Variants in ANKFN1 observed in about 807,000 individuals in gnomAD.
ANKFN1 encodes ankyrin repeat and fibronectin type III domain containing 1, also known as ankyrin repeat and fibronectin type-III domain-containing protein 1.
In ANKFN1, 74 loss-of-function variants were observed where a neutral mutation model predicts 108.7. The observed-to-expected ratio is 0.68, with a 90% CI of 0.56 to 0.83. The LOEUF (loss-of-function observed/expected upper bound fraction) is 0.83, where lower values mean the gene tolerates loss of function less well. Among genes scored for constraint, ANKFN1 ranks in the 40% least tolerant of loss-of-function variants. The pLI is 0.00. For missense variants in ANKFN1, 1,505 were observed against 1,382.3 expected (o/e 1.09, Z -1.41); for synonymous variants, 547 against 516.2 (o/e 1.06, Z -0.81).
chr17:56,430,538 A>AC, intron 8 of ANKFN1, among the ~76,000 whole-genome samples: 1 of 151,172 alleles, frequency 6.6e-6, no homozygotes, highest in African/African-American at 2.4e-5. Flanking sequence ...ACACACACAC[A>AC]AAGGTAACTA....
chr17:56,176,062 G>T (rs1027313297), intron 1 of ANKFN1, among the ~76,000 whole-genome samples: 1 of 151,766 alleles, frequency 6.6e-6, no homozygotes, highest in Admixed American at 6.6e-5. Context: ...ATGAAGGGGG[G>T]TACTGGGAGG....
At chr17:56,388,321 G>A (rs971215748) in intron 8 of ANKFN1, among the ~76,000 whole-genome samples, 7 of 151,676 alleles carry the variant, frequency 4.6e-5, no homozygotes, top group Admixed American at 1.3e-4. Context: ...CTAATGAGAC[G>A]GGGTTTCACC....
intron 3 of ANKFN1, among the ~76,000 whole-genome samples, chr17:56,235,435 A>G (rs886773096): frequency 3.3e-5 from 5 of 152,068 alleles, no homozygotes; most frequent in Non-Finnish European, 7.4e-5. Context: ...GTCCATTCCT[A>G]TGTCCACAAT....
intron 1 of ANKFN1, chr17:56,195,285 T>C (rs1255949825): frequency 6.6e-6 from 1 of 152,220 alleles, no homozygotes; most frequent in Admixed American, 6.5e-5. Flanking sequence ...TAACTTGTAA[T>C]CCAGAAATCA....
intron 1 of ANKFN1, among the ~76,000 whole-genome samples, chr17:56,164,644 C>A (rs1909981793): frequency 6.6e-6 from 1 of 152,126 alleles, no homozygotes; most frequent in South Asian, 2.1e-4. Context: ...TTGAAAATAG[C>A]AAAGTCTTTT....
rs1040070018 is a variant in ANKFN1 at position 56,049,773 on chromosome 17, T to G, written c.288+3448T>G. 2.0e-5 allele frequency among the ~76,000 whole-genome samples: 3 copies of G among 148,210 alleles called. No individual in the cohort carries two copies. In the South Asian group the frequency reaches 6.6e-4, roughly 33 times the overall value. On this transcript the variant is annotated intron_variant, in intron 4 of 12. Coordinates refer to the ANKFN1 transcript ENST00000635860. ...TCCATGGTGTATATGTGCCACATTT[T>G]CTTAATCCAGTCTATCATTGTTGGA... is the stretch of plus-strand genomic sequence containing the variant.
At chr17:56,258,780 G>A (rs1030566260) in intron 3 of ANKFN1, among the ~76,000 whole-genome samples, 7 of 152,000 alleles carry the variant, frequency 4.6e-5, no homozygotes, top group South Asian at 2.1e-4. Context: ...GCATGGTGGC[G>A]GGCGCCTGTA....
chr17:56,216,106 T>C (rs1238586309), intron 2 of ANKFN1, among the ~76,000 whole-genome samples: 1 of 152,192 alleles, frequency 6.6e-6, no homozygotes, highest in Non-Finnish European at 1.5e-5. Flanking sequence ...TCAGTGGGGC[T>C]TTTTTCCCCC....
At chr17:56,350,279 A>G (rs2046211739) in intron 4 of ANKFN1, among the ~76,000 whole-genome samples, 1 of 152,146 alleles carries the variant, frequency 6.6e-6, no homozygotes, top group Non-Finnish European at 1.5e-5. Flanking sequence ...GATTGGGGCT[A>G]TGCAGAAGGT....
intron 8 of ANKFN1, among the ~76,000 whole-genome samples, chr17:56,390,599 C>G (rs2047399321): frequency 6.6e-6 from 1 of 152,184 alleles, no homozygotes; most frequent in African/African-American, 2.4e-5. Flanking sequence ...ATTTATGGTT[C>G]TAGATCCTTG....
At chr17:56,099,935 A>T (rs530698749) in intron 4 of ANKFN1, among the ~76,000 whole-genome samples, 1 of 152,208 alleles carries the variant, frequency 6.6e-6, no homozygotes, top group East Asian at 1.9e-4. Context: ...CTGGTTGTAC[A>T]TGGAAGATAG....
rs2043931831 is a variant in ANKFN1 at position 56,276,299 on chromosome 17, G to T, written c.53+48342G>T. Reference sequence around the variant, plus strand: ...GTTGGTTCCAAGTCTTTGCTATTGTGAATAGTGCTGCAATAGACATACACG... The same window carrying T: ...GTTGGTTCCAAGTCTTTGCTATTGTTAATAGTGCTGCAATAGACATACACG... On this transcript the variant is annotated intron_variant, in intron 3 of 20. Transcript: ENST00000682825. Among the ~76,000 whole-genome samples, 2 of 152,182 alleles carry T rather than the reference G, an allele frequency of 1.3e-5. 1 individual carries two copies. The highest frequency in any genetic ancestry group is 1.3e-4 in the Admixed American group (2 of 15,282).
intron 4 of ANKFN1, among the ~76,000 whole-genome samples, chr17:56,130,209 G>A (rs147850095): frequency 6.6e-5 from 10 of 152,288 alleles, no homozygotes; most frequent in African/African-American, 1.9e-4. Context: ...AATGAAGCTC[G>A]TGTCTTGCTC....
intron 16 of ANKFN1, 88 bp from the exon 17 acceptor site, chr17:56,480,580 C>T: frequency 2.2e-6 from 3 of 1,370,934 alleles, no homozygotes; most frequent in Non-Finnish European, 3.0e-6. Flanking sequence ...ATTGGTTATC[C>T]AGGTTCTGGA....
chr17:56,245,245 C>T (rs186855943), intron 3 of ANKFN1, among the ~76,000 whole-genome samples: 1 of 152,184 alleles, frequency 6.6e-6, no homozygotes, highest in East Asian at 1.9e-4. Context: ...ACCTGTGGTT[C>T]CTCATGTAAT....
In ANKFN1 at chr17:56,510,763, A is replaced by AC. The variant is rs773173155; in HGVS notation, c.2936dup (p.Pro980ThrfsTer52). Reference sequence around the variant, plus strand: ...CCATAGCCTGACCCTCACGGGGTTCACACCCAAGAACCACGCCAAGACTGT... The same window carrying AC: ...CCATAGCCTGACCCTCACGGGGTTCACCACCCAAGAACCACGCCAAGACTGT... On this transcript the variant is annotated frameshift_variant, in exon 21 of 21. Transcript: ENST00000682825. LOFTEE classifies it low-confidence loss of function (END_TRUNC). 2.0e-6 allele frequency: 3 copies of AC among 1,536,100 alleles called. No individual in the cohort carries two copies. The South Asian group carries it at 3.6e-5, about 18-fold the overall frequency.
intron 3 of ANKFN1, among the ~76,000 whole-genome samples, chr17:56,320,789 G>C (rs1343497873): frequency 6.6e-6 from 1 of 152,050 alleles, no homozygotes; most frequent in Non-Finnish European, 1.5e-5. Context: ...AGAGAATCCC[G>C]TTTCTCAAAA....
At chr17:56,112,562 C>A (rs113337970) in intron 4 of ANKFN1, among the ~76,000 whole-genome samples, 1 of 152,074 alleles carries the variant, frequency 6.6e-6, no homozygotes, top group South Asian at 2.1e-4. Flanking sequence ...ATATAACCAC[C>A]ATTGGCTGGA....
At chr17:56,467,860 A>C (rs2050184909) in intron 15 of ANKFN1, among the ~76,000 whole-genome samples, 2 of 150,340 alleles carry the variant, frequency 1.3e-5, no homozygotes, top group Non-Finnish European at 1.5e-5. Context: ...GAAAAAGGGA[A>C]AGAAAGAAAG....
Sources: gnomAD v4.1 joint callset for allele counts (sites outside exome capture counted in the v4.1 genomes callset) on GRCh38, gnomAD v4.1.1 for gene constraint, MANE v1.5 for transcripts, NCBI Gene and HGNC (gene_info 2026-07-23, HGNC 2026-07-21) for gene names.